Variants in AMZ1 observed in about 807,000 individuals in gnomAD.
AMZ1 encodes the protein archaemetzincin-1.
AMZ1 carries 39 observed loss-of-function variants against 29.9 expected under a neutral mutation model. That is an observed-to-expected ratio of 1.30 (90% confidence interval 1.01 to 1.70). The LOEUF (loss-of-function observed/expected upper bound fraction) is 1.70, where lower values mean the gene tolerates loss of function less well. AMZ1 is among the 40% of genes most tolerant of loss of function. The pLI is 0.00. For synonymous variants in AMZ1, 458 were observed against 304.0 expected, an observed-to-expected ratio of 1.51 and a Z score of -5.27; for missense variants, 1,041 against 680.6, an observed-to-expected ratio of 1.53 and a Z score of -5.89.
intron 3 of AMZ1, 92 bp from the exon 4 acceptor site, chr7:2,708,496 A>T: frequency 6.4e-7 from 1 of 1,563,612 alleles, no homozygotes; most frequent in Non-Finnish European, 8.6e-7. Flanking sequence ...GGGCCCAGGC[A>T]GAGGAAGAGG....
chr7:2,761,829 G>C (rs1292347821), upstream of AMZ1, among the ~76,000 whole-genome samples: 1 of 152,172 alleles, frequency 6.6e-6, no homozygotes, highest in East Asian at 1.9e-4. Flanking sequence ...TCATACCCTG[G>C]ATAGTGCTGA....
At position 2,712,519 on chromosome 7, in the gene AMZ1, G is replaced by T. The variant is rs755457103; in HGVS notation, c.1138G>T (p.Gly380Trp). 2.5e-6 allele frequency: 4 copies of T among 1,608,348 alleles called. No individual in the cohort carries two copies. The highest frequency in any genetic ancestry group is 1.1e-5 in the South Asian group (1 of 90,588). ...PDAGSHTFAS[G>W]PEEGLSYLAA... Reference sequence around the variant, plus strand: ...TGCCGGGAGTCACACCTTCGCCTCGGGGCCAGAGGAAGGGCTGAGCTACCT... The same window carrying T: ...TGCCGGGAGTCACACCTTCGCCTCGTGGCCAGAGGAAGGGCTGAGCTACCT... The change falls in exon 7 of 7, where the codon GGG becomes TGG. Residue 380 changes from glycine to tryptophan, a missense_variant. Transcript: ENST00000683327.
At position 2,734,951 on chromosome 7, in the gene AMZ1, C is replaced by T. The variant is rs116172080; in HGVS notation, n.550+25135C>T. Reference sequence around the variant, plus strand: ...GCACGACTGACCTCTCGTGCCTGCTCTCTCCCTTCCTCGCCAAGCCCCCGT... The same window carrying T: ...GCACGACTGACCTCTCGTGCCTGCTTTCTCCCTTCCTCGCCAAGCCCCCGT... On this transcript the variant is annotated intron_variant and non_coding_transcript_variant, in intron 4 of 4. Transcript: ENST00000489665. Among the ~76,000 whole-genome samples the T allele has an allele frequency of 9.1e-3, 1,388 of 152,300 alleles. 13 individuals carry two copies. Among genetic ancestry groups the T allele is most frequent in the African/African-American group, 0.032 (1,312 of 41,562 alleles).
rs897750445 is a variant in AMZ1 at position 2,712,527 on chromosome 7, G to A, written c.1146G>A (p.Glu382=). 3.7e-6 allele frequency: 6 copies of A among 1,608,492 alleles called. No individual in the cohort carries two copies. Among genetic ancestry groups the A allele is most frequent in the African/African-American group, 1.3e-5 (1 of 74,886 alleles). ...GTCACACCTTCGCCTCGGGGCCAGAGGAAGGGCTGAGCTACCTGGCAGCCT... is the reference window on the plus strand; with the variant it reads ...GTCACACCTTCGCCTCGGGGCCAGAAGAAGGGCTGAGCTACCTGGCAGCCT... ...AGSHTFASGP[E]EGLSYLAASE... Residue 382 remains glutamate, a synonymous_variant, in exon 7 of 7, where the codon GAG becomes GAA. Transcript: ENST00000683327.
In AMZ1 at chr7:2,702,691, C is replaced by A. The variant is rs770211266; in HGVS notation, c.305-31C>A. 2.7e-6 allele frequency: 4 copies of A among 1,504,390 alleles called. No homozygotes were observed. In the South Asian group the frequency reaches 4.9e-5, roughly 18 times the overall value. 93.2% of individuals were successfully genotyped at this position (1,504,390 alleles called of 1,614,324 possible). On this transcript the variant is annotated intron_variant, in intron 2 of 6. Coordinates refer to ENST00000683327, the MANE Select transcript of AMZ1 (RefSeq NM_001384743.1). ...GAGGGTCCCAGGCGGGCAGGGGCGT[C>A]GCAGGGCTGACGGTGCTGCTCTCCC...
At position 2,717,313 on chromosome 7, in the gene AMZ1, AG is replaced by A. The variant is rs1789185963; in HGVS notation, c.*4436del. Among the ~76,000 whole-genome samples, 1 of 152,264 alleles carries A rather than the reference AG, an allele frequency of 6.6e-6. No individual in the cohort carries two copies. On this transcript the variant is annotated 3_prime_UTR_variant, in exon 7 of 7. Coordinates refer to ENST00000683327, the MANE Select transcript of AMZ1 (RefSeq NM_001384743.1). ...ATCAGGGCTTCGCGACGGGGCTCAT[AG>A]ACCTGAACTGGGTCTGCCTGCCTGT...
rs537062691 is a variant in AMZ1 at position 2,716,684 on chromosome 7, C to T, written c.*3806C>T. 9.8e-5 allele frequency among the ~76,000 whole-genome samples: 15 copies of T among 152,322 alleles called. No homozygotes were observed. Among genetic ancestry groups the T allele is most frequent in the South Asian group, 4.1e-4 (2 of 4,826 alleles). On this transcript the variant is annotated 3_prime_UTR_variant, in exon 7 of 7. Transcript: ENST00000683327. ...CCACCAGGCAGGGACGGCCAGGCCT[C>T]GGAGAGAGGGACCGGCTGCCCTGCC... is the stretch of plus-strand genomic sequence containing the variant.
intron 4 of AMZ1, chr7:2,733,318 A>G (rs578218482): frequency 3.0e-4 from 221 of 733,902 alleles, no homozygotes; most frequent in Non-Finnish European, 4.7e-4. Context: ...TTACAGTACT[A>G]TTCGTGGTAA....
At chr7:2,745,113 A>T (rs1044205528) in intron 4 of AMZ1, among the ~76,000 whole-genome samples, 1 of 152,218 alleles carries the variant, frequency 6.6e-6, no homozygotes, top group African/African-American at 2.4e-5. Flanking sequence ...TTATCCAGGA[A>T]AACTTCCCCA....
chr7:2,708,556 C>T (rs771782991), intron 3 of AMZ1, 32 bp from the exon 4 acceptor site: 2 of 1,610,152 alleles, frequency 1.2e-6, no homozygotes, highest in Non-Finnish European at 1.7e-6. Flanking sequence ...CCGGCTGCCT[C>T]CTGACCCCAT....
chr7:2,718,363 G>C lies in AMZ1; in HGVS notation c.*5485G>C, dbSNP rs1191437521. 6.6e-6 allele frequency among the ~76,000 whole-genome samples: 1 copy of C among 152,180 alleles called. No homozygotes were observed. Among genetic ancestry groups the C allele is most frequent in the Non-Finnish European group, 1.5e-5 (1 of 68,022 alleles). On this transcript the variant is annotated 3_prime_UTR_variant, in exon 7 of 7. Transcript: ENST00000683327. The stretch of plus-strand genomic sequence containing the variant: ...GACTGAACCGCCCCTTCTCAGCAAA[G>C]GCCAACACGTCTTTCTCGAGTCCAA...
At chr7:2,720,503 A>T (rs181206450), downstream of AMZ1, among the ~76,000 whole-genome samples, 2 of 151,962 alleles carry the variant, frequency 1.3e-5, no homozygotes, top group Admixed American at 1.3e-4. Context: ...TTCTGGGTTC[A>T]AACGATTCTC....
chr7:2,724,887 G>A (rs993478336), intron 4 of AMZ1, among the ~76,000 whole-genome samples: 1 of 152,124 alleles, frequency 6.6e-6, no homozygotes, highest in South Asian at 2.1e-4. Flanking sequence ...TTAAGCATGG[G>A]AGCGATTCTC....
chr7:2,728,085 G>T (rs1404455634), intron 4 of AMZ1: 1 of 151,742 alleles, frequency 6.6e-6, no homozygotes, highest in African/African-American at 2.4e-5. Flanking sequence ...ATTTAGTGTT[G>T]GTTTTGAATA....
rs1788859048 is a variant in AMZ1 at position 2,712,548 on chromosome 7, A to C, written c.1167A>C (p.Ala389=). 6.2e-7 allele frequency: 1 copy of C among 1,609,458 alleles called. No homozygotes were observed. Among genetic ancestry groups the C allele is most frequent in the South Asian group, 1.1e-5 (1 of 90,720 alleles). ...SGPEEGLSYL[A]ASEAPLPPGG... ...CAGAGGAAGGGCTGAGCTACCTGGC[A>C]GCCTCAGAGGCTCCGCTGCCACCTG... The change falls in exon 7 of 7, where the codon GCA becomes GCC. Residue 389 remains alanine (A), a synonymous_variant. Coordinates refer to ENST00000683327, the MANE Select transcript of AMZ1 (RefSeq NM_001384743.1).
chr7:2,750,828 C>A (rs559193700), intron 4 of AMZ1, among the ~76,000 whole-genome samples: 1 of 152,096 alleles, frequency 6.6e-6, no homozygotes, highest in African/African-American at 2.4e-5. Flanking sequence ...GAACCAGATT[C>A]GGATATGGCG....
chr7:2,712,001 C>G (rs113774049), intron 6 of AMZ1, among the ~76,000 whole-genome samples: 6 of 152,030 alleles, frequency 3.9e-5, no homozygotes, highest in African/African-American at 9.7e-5. Flanking sequence ...GAGCTGAGAT[C>G]GCAGCACTGC....
At chr7:2,736,292 G>C (rs1451438041) in intron 4 of AMZ1, among the ~76,000 whole-genome samples, 9 of 152,184 alleles carry the variant, frequency 5.9e-5, no homozygotes, top group Non-Finnish European at 1.5e-5. Flanking sequence ...AGAAACACGA[G>C]TGGATCCAAA....
At position 2,692,414 on chromosome 7, in the gene AMZ1, C is replaced by T. The variant is rs558194039; in HGVS notation, c.-219+4118C>T. ...AAAATTAGCCGGGTGTGGTGGCGGG[C>T]GCCTTTAGTCCCAGCTATTCGGGAG... On this transcript the variant is annotated intron_variant, in intron 1 of 6. Coordinates refer to ENST00000683327, the MANE Select transcript of AMZ1 (RefSeq NM_001384743.1). 2.0e-4 allele frequency among the ~76,000 whole-genome samples: 31 copies of T among 152,256 alleles called. 1 individual carries two copies. Among genetic ancestry groups the T allele is most frequent in the South Asian group, 1.0e-3 (5 of 4,818 alleles).
Sources: gnomAD v4.1 joint callset for allele counts (sites outside exome capture counted in the v4.1 genomes callset) on GRCh38, gnomAD v4.1.1 for gene constraint, MANE v1.5 for transcripts, NCBI Gene and HGNC (gene_info 2026-07-23, HGNC 2026-07-21) for gene names.